ASTN1: variants seen among roughly 807,000 people sequenced by gnomAD.
ASTN1 encodes the protein astrotactin-1.
In ASTN1, 41 loss-of-function variants were observed where a neutral mutation model predicts 140.7. That is an observed-to-expected ratio of 0.29 (90% CI 0.23 to 0.38). ASTN1 has a LOEUF of 0.38. ASTN1 is among the 10% of genes least tolerant of loss of function. ASTN1 has a pLI of 1.00. For synonymous variants in ASTN1, 640 were observed against 652.2 expected (o/e 0.98, Z 0.29); for missense variants, 1,479 against 1,678.8 (o/e 0.88, Z 2.08).
At chr1:176,995,276 G>C (rs763260879) in intron 8 of ASTN1, among the ~76,000 whole-genome samples, 2 of 152,162 alleles carry the variant, frequency 1.3e-5, no homozygotes, top group African/African-American at 2.4e-5. Context: ...CCAGTGAACA[G>C]ATGATTATAG....
At chr1:176,957,561 G>A in intron 11 of ASTN1, 117 bp downstream of exon 11, 3 of 1,275,738 alleles carry the variant, frequency 2.4e-6, no homozygotes, top group African/African-American at 3.0e-5. Context: ...TACACTAAAT[G>A]GTGTTTACAA....
In ASTN1 at chr1:177,153,509, T is replaced by C. The variant is rs1571859389; in HGVS notation, c.283+10885A>G. On this transcript the variant is annotated intron_variant, in intron 1 of 22. Transcript: ENST00000361833. ...CATATAGCATACTTGGATAAAGCCATATATCAAACTACATACCACAATAAA... is the reference window on the plus strand; with the variant it reads ...CATATAGCATACTTGGATAAAGCCACATATCAAACTACATACCACAATAAA... Among the ~76,000 whole-genome samples, 4 of 152,212 alleles carry C rather than the reference T, an allele frequency of 2.6e-5. No individual in the cohort carries two copies. In the South Asian group the frequency reaches 8.3e-4, roughly 32 times the overall value.
intron 7 of ASTN1, among the ~76,000 whole-genome samples, chr1:177,018,142 C>CA (rs35797163): frequency 0.55 from 84,009 of 151,914 alleles, 23,729 homozygotes; most frequent in Non-Finnish European, 0.58. Flanking sequence ...GCAGAGACAT[C>CA]GAAAGGAGGC....
Position 177,077,111 on chromosome 1 carries a change from T to C in ASTN1, c.284-15846A>G, listed in dbSNP as rs540239009. 4.6e-5 allele frequency among the ~76,000 whole-genome samples: 7 copies of C among 152,250 alleles called. No homozygotes were observed. The South Asian group carries it at 1.5e-3, about 32-fold the overall frequency. ...TGTCATATTAATGATGGATCTGTGT[T>C]AATATAAGTCACAGAAGCCTTCTGC... On this transcript the variant is annotated intron_variant, in intron 1 of 22. Transcript: ENST00000361833.
At position 176,894,570 on chromosome 1, in the gene ASTN1, T is replaced by C. The variant is rs766322174; in HGVS notation, c.2932A>G (p.Thr978Ala). Reference sequence around the variant, plus strand: ...AGTCCCAGGCCTCTTACCCTCTGGGTCTGGTTGTTGGTCACTAGTTCATAG... The same window carrying C: ...AGTCCCAGGCCTCTTACCCTCTGGGCCTGGTTGTTGGTCACTAGTTCATAG... ...PIYELVTNNQ[T>A]QRLLQEATMS... The change falls in exon 17 of 23, where the codon ACC becomes GCC. Residue 978 changes from threonine to alanine, a missense_variant. By Grantham distance (58) the Thr-to-Ala change is moderately conservative. Around this residue, in one of 3 missense-constraint regions of ASTN1, gnomAD observed 746 missense variants for 800.9 expected, o/e 0.93. Transcript: ENST00000361833. 6 of 1,613,808 alleles carry C rather than the reference T, an allele frequency of 3.7e-6. No individual in the cohort carries two copies. The highest frequency in any genetic ancestry group is 3.4e-6 in the Non-Finnish European group (4 of 1,179,970).
At position 176,874,826 on chromosome 1, in the gene ASTN1, A is replaced by C. The variant is rs76590852; in HGVS notation, c.3463+1711T>G. ...TCATCCCCAGTTTACCAATAAGTAA[A>C]CTGAGGCACGGGGTGAAGTAACCTG... On this transcript the variant is annotated intron_variant, in intron 21 of 22. Transcript: ENST00000361833. 5.4e-3 allele frequency among the ~76,000 whole-genome samples: 824 copies of C among 152,148 alleles called. 9 individuals carry two copies. The highest frequency in any genetic ancestry group is 0.018 in the African/African-American group (752 of 41,502).
At position 177,003,820 on chromosome 1, in the gene ASTN1, AAAAG is replaced by A. The variant is rs202199508; in HGVS notation, c.1523+10967_1523+10970del. Among the ~76,000 whole-genome samples the A allele has an allele frequency of 9.1e-3, 1,374 of 151,504 alleles. 27 individuals carry two copies. The highest frequency in any genetic ancestry group is 0.03 in the African/African-American group (1,246 of 40,946). ...AGAGCAAGACTCTGTCTAAAAAAAA[AAAAG>A]AAAGAAAGAAAAGAAAAGAAAGGAA... On this transcript the variant is annotated intron_variant, in intron 8 of 22. Transcript: ENST00000361833.
At chr1:177,122,317 G>A (rs548114877) in intron 1 of ASTN1, among the ~76,000 whole-genome samples, 6 of 152,236 alleles carry the variant, frequency 3.9e-5, no homozygotes, top group South Asian at 4.1e-4. Context: ...GGCAGAGCAC[G>A]ATGCCACCCA....
In ASTN1 at chr1:176,864,455, T is replaced by C. The variant is rs1291063606; in HGVS notation, c.3714A>G (p.Glu1238=). The stretch of plus-strand genomic sequence containing the variant: ...AGCTGCGCCGCAAGCTTATCTTGGG[T>C]TCCTGAAGGAGTCCATTGCACCAAC... The part of the protein sequence containing the change: ...LSSWCNGLLQ[E]PKISLRRSSL... Residue 1238 remains glutamate (E), a synonymous_variant, in exon 23 of 23, where the codon GAA becomes GAG. Transcript: ENST00000361833. 6.2e-7 allele frequency: 1 copy of C among 1,614,136 alleles called. No homozygotes were observed. The highest frequency in any genetic ancestry group is 8.5e-7 in the Non-Finnish European group (1 of 1,180,014).
At chr1:176,894,969 T>C in intron 16 of ASTN1, 139 bp from the exon 17 acceptor site, 2 of 1,241,958 alleles carry the variant, frequency 1.6e-6, no homozygotes, top group South Asian at 1.4e-5. Context: ...GATTCTGCCA[T>C]CCCACTTAAT....
intron 11 of ASTN1, among the ~76,000 whole-genome samples, chr1:176,954,309 G>A (rs1247686110): frequency 1.3e-5 from 2 of 152,232 alleles, no homozygotes; most frequent in Non-Finnish European, 2.9e-5. Context: ...TGGAGAGAGA[G>A]GGGGATGTGC....
At chr1:177,142,906 G>A (rs796504590) in intron 1 of ASTN1, among the ~76,000 whole-genome samples, 2 of 141,382 alleles carry the variant, frequency 1.4e-5, no homozygotes, top group African/African-American at 6.2e-5. Context: ...AAAAAAAAGG[G>A]GGGGAGGGGT....
At chr1:176,956,996 C>T (rs1460202058) in intron 11 of ASTN1, among the ~76,000 whole-genome samples, 1 of 152,108 alleles carries the variant, frequency 6.6e-6, no homozygotes, top group East Asian at 1.9e-4. Flanking sequence ...CTCCTGGGCT[C>T]AAGGAATCCT....
intron 1 of ASTN1, among the ~76,000 whole-genome samples, chr1:177,110,396 G>A (rs979177907): frequency 1.3e-5 from 2 of 152,192 alleles, no homozygotes; most frequent in Middle Eastern, 3.2e-3. Context: ...CGTTTTGGCT[G>A]GAGTGTCTAA....
At chr1:177,007,766 G>A (rs1417845233) in intron 8 of ASTN1, among the ~76,000 whole-genome samples, 3 of 152,182 alleles carry the variant, frequency 2.0e-5, no homozygotes, top group African/African-American at 7.2e-5. Context: ...GCCTCTGAGA[G>A]GGGAGCAAAG....
intron 1 of ASTN1, among the ~76,000 whole-genome samples, chr1:177,118,947 T>C (rs781170175): frequency 7.2e-5 from 11 of 152,190 alleles, no homozygotes; most frequent in African/African-American, 2.4e-5. Context: ...ATTTCTTTTA[T>C]GCTTAATGAT....
chr1:177,019,392 A>C (rs1253039844), intron 7 of ASTN1, among the ~76,000 whole-genome samples: 1 of 152,202 alleles, frequency 6.6e-6, no homozygotes, highest in Non-Finnish European at 1.5e-5. Flanking sequence ...GGAAGGGCAC[A>C]CAGTAGGCTT....
intron 1 of ASTN1, among the ~76,000 whole-genome samples, chr1:177,097,496 T>C (rs1680080866): frequency 6.6e-6 from 1 of 152,048 alleles, no homozygotes; most frequent in African/African-American, 2.4e-5. Context: ...AAAGTGGCTA[T>C]AATAATAGTA....
At position 177,115,049 on chromosome 1, in the gene ASTN1, G is replaced by C. The variant is rs367683509; in HGVS notation, c.283+49345C>G. ...AGAAGGAAGAGGAAGGGAAAAGAAGGGGGTAGGGGACCAAGAAAAGAAGAA... is the reference window on the plus strand; with the variant it reads ...AGAAGGAAGAGGAAGGGAAAAGAAGCGGGTAGGGGACCAAGAAAAGAAGAA... On this transcript the variant is annotated intron_variant, in intron 1 of 22. Transcript: ENST00000361833. Among the ~76,000 whole-genome samples, 24 of 152,158 alleles carry C rather than the reference G, an allele frequency of 1.6e-4. No homozygotes were observed. The East Asian group carries it at 4.1e-3, about 26-fold the overall frequency.
Sources: gnomAD v4.1 joint callset for allele counts (sites outside exome capture counted in the v4.1 genomes callset) on GRCh38, gnomAD v4.1.1 for gene constraint, gnomAD v4.1.1 regional missense constraint, MANE v1.5 for transcripts, NCBI Gene and HGNC (gene_info 2026-07-23, HGNC 2026-07-21) for gene names.